PRKCI: variants seen among roughly 807,000 people sequenced by gnomAD.
PRKCI encodes the protein protein kinase C iota type.
Under a neutral mutation model 84.0 loss-of-function variants are expected in PRKCI, and 43 were observed. The ratio of observed to expected loss-of-function variants is 0.51; its 90% CI spans 0.40 to 0.66. PRKCI has a LOEUF of 0.66. Among genes scored for constraint, PRKCI ranks in the 30% least tolerant of loss-of-function variants. The pLI is 0.00. For missense variants in PRKCI, 459 were observed against 745.6 expected (o/e 0.62, Z 4.48); for synonymous variants, 216 against 234.4 (o/e 0.92, Z 0.72).
At chr3:170,287,696 G>A (rs1296576283) in intron 12 of PRKCI, among the ~76,000 whole-genome samples, 1 of 151,588 alleles carries the variant, frequency 6.6e-6, no homozygotes, top group African/African-American at 2.4e-5. Flanking sequence ...GATCACTTGA[G>A]GTCAGGAGTT....
At chr3:170,225,768 AT>A (rs35726829) in intron 1 of PRKCI, among the ~76,000 whole-genome samples, 1 of 151,194 alleles carries the variant, frequency 6.6e-6, no homozygotes, top group Non-Finnish European at 1.5e-5. Flanking sequence ...AATAGCCAGC[AT>A]TTTTTTTAGT....
chr3:170,230,950 ATT>A (rs748473877), intron 1 of PRKCI, among the ~76,000 whole-genome samples: 2,584 of 138,002 alleles, frequency 0.019, 46 homozygotes, highest in East Asian at 0.11. Flanking sequence ...TCATTATTTA[ATT>A]TTTTTTTTTT....
At chr3:170,233,278 A>G (rs1207669907) in intron 1 of PRKCI, among the ~76,000 whole-genome samples, 4 of 143,640 alleles carry the variant, frequency 2.8e-5, no homozygotes, top group South Asian at 2.3e-4. Flanking sequence ...AATAGATTCT[A>G]TATTTTAGAA....
At chr3:170,290,547 A>T (rs1055652456) in intron 12 of PRKCI, among the ~76,000 whole-genome samples, 129 of 151,746 alleles carry the variant, frequency 8.5e-4, no homozygotes, top group African/African-American at 2.9e-3. Flanking sequence ...ATATATATAT[A>T]TTTTAACTCT....
intron 12 of PRKCI, among the ~76,000 whole-genome samples, chr3:170,291,061 G>A (rs1239131477): frequency 6.6e-6 from 1 of 151,810 alleles, no homozygotes; most frequent in Non-Finnish European, 1.5e-5. Flanking sequence ...GCTTGAATCC[G>A]GGAGGCGGAG....
At chr3:170,271,516 G>T (rs1734004909) in intron 6 of PRKCI, among the ~76,000 whole-genome samples, 1 of 152,060 alleles carries the variant, frequency 6.6e-6, no homozygotes, top group African/African-American at 2.4e-5. Context: ...AAATGCACTT[G>T]TACAATTGAT....
Position 170,302,788 on chromosome 3 carries a change from CTT to C in PRKCI, c.1704-247_1704-246del, listed in dbSNP as rs374626649. Reference sequence around the variant, plus strand: ...TAACTGGAATGGTGACAACTGGTGTCTTTTTTATTCGCAGTCCTCAGTTTTGA... The same window carrying C: ...TAACTGGAATGGTGACAACTGGTGTCTTTTATTCGCAGTCCTCAGTTTTGA... On this transcript the variant is annotated intron_variant, in intron 17 of 17. Coordinates refer to ENST00000295797, the MANE Select transcript of PRKCI (RefSeq NM_002740.6). Among the ~76,000 whole-genome samples the C allele has an allele frequency of 2.3e-3, 347 of 152,220 alleles. 3 individuals carry two copies. Among genetic ancestry groups the C allele is most frequent in the African/African-American group, 8.1e-3 (336 of 41,550 alleles).
chr3:170,229,610 T>C lies in PRKCI; in HGVS notation c.102-5620T>C, dbSNP rs186633188. ...TTGCGCCCAGCCACCATAATATGTT[T>C]AATCTTTTTTCGGATTGATGAACAT... is the stretch of plus-strand genomic sequence containing the variant. On this transcript the variant is annotated intron_variant, in intron 1 of 17. Transcript: ENST00000295797. 1.2e-4 allele frequency among the ~76,000 whole-genome samples: 18 copies of C among 152,366 alleles called. No homozygotes were observed. The East Asian group carries it at 3.1e-3, about 26-fold the overall frequency.
chr3:170,232,001 A>T (rs186800454), intron 1 of PRKCI, among the ~76,000 whole-genome samples: 9 of 152,252 alleles, frequency 5.9e-5, no homozygotes, highest in Admixed American at 5.2e-4. Context: ...TCTCAAAAAA[A>T]ACTCAACTGA....
intron 1 of PRKCI, among the ~76,000 whole-genome samples, chr3:170,225,130 TTTAA>T (rs1286154885): frequency 5.9e-5 from 9 of 152,368 alleles, no homozygotes; most frequent in African/African-American, 2.2e-4. Flanking sequence ...AACATTGTCT[TTTAA>T]AATCTGTGAA....
chr3:170,223,592 C>G (rs1170315065), intron 1 of PRKCI, among the ~76,000 whole-genome samples: 2 of 152,138 alleles, frequency 1.3e-5, no homozygotes, highest in East Asian at 3.9e-4. Context: ...AAGTGCCCCC[C>G]TTCCTTTAAA....
chr3:170,283,119 AAGTATT>A (rs1482128698), intron 11 of PRKCI, among the ~76,000 whole-genome samples: 2 of 152,116 alleles, frequency 1.3e-5, no homozygotes, highest in African/African-American at 4.8e-5. Context: ...AAAAAAAAAA[AAGTATT>A]GAATATTAAT....
intron 2 of PRKCI, among the ~76,000 whole-genome samples, chr3:170,249,843 T>C (rs1198774818): frequency 6.6e-6 from 1 of 150,940 alleles, no homozygotes; most frequent in African/African-American, 2.4e-5. Flanking sequence ...TGTGGCAAAA[T>C]GAGATAAATT....
Position 170,263,331 on chromosome 3 carries a change from G to A in PRKCI, c.314-48G>A, listed in dbSNP as rs887454110. ...TTGAATTTTAAATTCTGTGTAATTT[G>A]TATGTTTTAAATATGCTGTTAACTC... On this transcript the variant is annotated intron_variant, in intron 3 of 17. Coordinates refer to ENST00000295797, the MANE Select transcript of PRKCI (RefSeq NM_002740.6). The A allele has an allele frequency of 6.1e-6, 9 of 1,466,976 alleles. No individual in the cohort carries two copies. In the African/African-American group the frequency reaches 8.4e-5, roughly 14 times the overall value. 90.9% of individuals were successfully genotyped at this position (1,466,976 alleles called of 1,614,324 possible). A position where few individuals can be genotyped will look rare whatever the true frequency, so the allele number is the denominator to read the frequency against.
intron 2 of PRKCI, among the ~76,000 whole-genome samples, chr3:170,240,133 A>G (rs747742607): frequency 9.2e-5 from 14 of 152,082 alleles, no homozygotes; most frequent in Non-Finnish European, 1.9e-4. Flanking sequence ...CTGCACTCCA[A>G]CCTAGGCAAC....
At chr3:170,235,949 A>T (rs1001342544) in intron 2 of PRKCI, among the ~76,000 whole-genome samples, 2 of 147,372 alleles carry the variant, frequency 1.4e-5, no homozygotes, top group Admixed American at 6.8e-5. Flanking sequence ...TTTGAATTAA[A>T]TTTTTTTTTT....
intron 11 of PRKCI, among the ~76,000 whole-genome samples, chr3:170,282,525 TGTCTCTACTAAAAATACAAAAATTTGCTG>T (rs1430110567): frequency 6.6e-6 from 1 of 150,846 alleles, no homozygotes; most frequent in Non-Finnish European, 1.5e-5. Context: ...GGTGAAACCC[TGTCTCTACTAAAAATACAAAAATTTGCTG>T]GTCGTGGTGG....
chr3:170,273,327 C>G lies in PRKCI; in HGVS notation c.633C>G (p.Asp211Glu). The G allele has an allele frequency of 6.2e-7, 1 of 1,613,610 alleles. No homozygotes were observed. Among genetic ancestry groups the G allele is most frequent in the Non-Finnish European group, 8.5e-7 (1 of 1,179,664 alleles). Residue 211 changes from aspartate (D) to glutamate (E), a missense_variant, in exon 7 of 18, where the codon GAC becomes GAG. By Grantham distance (45) the Asp-to-Glu change is conservative. This residue lies in a region of PRKCI where 250 missense variants were observed against 319.7 expected (regional missense o/e 0.78). Transcript: ENST00000295797. The part of the protein sequence containing the change: ...MPMDQSSMHS[D>E]HAQTVIPYNP... ...TGGATCAGTCATCCATGCATTCTGA[C>G]CATGCACAGACAGGTAAGAGTGGTG...
chr3:170,245,953 T>TTTTTGTTTGTTTGTTTGTTG (rs1214926723), intron 2 of PRKCI, among the ~76,000 whole-genome samples: 1 of 119,928 alleles, frequency 8.3e-6, no homozygotes, highest in Non-Finnish European at 1.7e-5. Flanking sequence ...GTCTTTGTTT[T>TTTTTGTTTGTTTGTTTGTTG]TTTTTTTTTT....
Sources: gnomAD v4.1 joint callset for allele counts (sites outside exome capture counted in the v4.1 genomes callset) on GRCh38, gnomAD v4.1.1 for gene constraint, gnomAD v4.1.1 regional missense constraint, MANE v1.5 for transcripts, NCBI Gene and HGNC (gene_info 2026-07-23, HGNC 2026-07-21) for gene names.